The following SPIN1 variants were observed in gnomAD, a reference collection of about 807,000 sequenced individuals.
SPIN1 encodes the protein spindlin-1.
A neutral mutation model predicts 26.0 loss-of-function variants in SPIN1; 3 were observed. The ratio of observed to expected loss-of-function variants is 0.12; its 90% CI spans 0.05 to 0.30. The LOEUF (loss-of-function observed/expected upper bound fraction) is 0.30, where lower values mean the gene tolerates loss of function less well. SPIN1 is among the 10% of genes least tolerant of loss of function. The pLI, the probability that SPIN1 is intolerant of heterozygous loss-of-function variation, is 1.00. For synonymous variants in SPIN1, 101 were observed against 116.5 expected (o/e 0.87, Z 0.86); for missense variants, 126 against 333.4 (o/e 0.38, Z 4.84).
chr9:88,436,966 C>T, intron 2 of SPIN1, among the ~76,000 whole-genome samples: 1 of 151,550 alleles, frequency 6.6e-6, no homozygotes, highest in Admixed American at 6.6e-5. Flanking sequence ...GGGGTTTCAC[C>T]GTTTTAGCCG....
intron 5 of SPIN1, among the ~76,000 whole-genome samples, chr9:88,472,685 G>A (rs1828813038): frequency 6.6e-6 from 1 of 152,186 alleles, no homozygotes; most frequent in Non-Finnish European, 1.5e-5. Flanking sequence ...TAGAGACAGA[G>A]TTTCACTGTG....
At chr9:88,461,853 A>G (rs567943123) in intron 3 of SPIN1, among the ~76,000 whole-genome samples, 3 of 152,352 alleles carry the variant, frequency 2.0e-5, no homozygotes, top group East Asian at 1.9e-4. Context: ...TGATGTTTCA[A>G]TAATTTTTAA....
rs185455656 is a variant in SPIN1 at position 88,395,478 on chromosome 9, A to G, written c.-159+6940A>G. Among the ~76,000 whole-genome samples, 43 of 152,216 alleles carry G rather than the reference A, an allele frequency of 2.8e-4. No homozygotes were observed. The East Asian group carries it at 5.2e-3, about 18-fold the overall frequency. ...TGTTTATATTCTCTTGGCTGTTATA[A>G]ATATTGCGGCAATGAATAACCTTGT... is the stretch of plus-strand genomic sequence containing the variant. On this transcript the variant is annotated intron_variant, in intron 1 of 5. Coordinates refer to ENST00000375859, the MANE Select transcript of SPIN1 (RefSeq NM_006717.3).
intron 2 of SPIN1, among the ~76,000 whole-genome samples, chr9:88,431,184 C>T (rs1827862689): frequency 6.6e-6 from 1 of 150,414 alleles, no homozygotes; most frequent in African/African-American, 2.4e-5. Flanking sequence ...CATGCCCGGC[C>T]CTTTTTATGA....
At chr9:88,455,534 CAGAG>C (rs1409541583) in intron 3 of SPIN1, among the ~76,000 whole-genome samples, 4 of 152,140 alleles carry the variant, frequency 2.6e-5, no homozygotes, top group African/African-American at 9.7e-5. Flanking sequence ...CATAGGTAAA[CAGAG>C]AAAGAAAACT....
At chr9:88,431,729 T>G (rs1827876331) in intron 2 of SPIN1, among the ~76,000 whole-genome samples, 3 of 152,194 alleles carry the variant, frequency 2.0e-5, no homozygotes, top group African/African-American at 7.2e-5. Context: ...CTTTTTCATT[T>G]ATTGTTCTAG....
rs550192711 is a variant in SPIN1, at chr9:88,478,444, A to G, written c.*3167A>G. 1 of 152,790 alleles carries G rather than the reference A, an allele frequency of 6.5e-6. No homozygotes were observed. Among genetic ancestry groups the G allele is most frequent in the African/African-American group, 2.4e-5 (1 of 41,594 alleles). The allele number at this position is 152,790 out of a possible 1,614,324, so 9.5% of individuals were successfully genotyped here. ...CTTTGTGTTTTTCCATCATTAGTGCAGTTGGAATGAATGTGTATAGGTCAG... is the reference window on the plus strand; with the variant it reads ...CTTTGTGTTTTTCCATCATTAGTGCGGTTGGAATGAATGTGTATAGGTCAG... On this transcript the variant is annotated 3_prime_UTR_variant, in exon 6 of 6. Coordinates refer to ENST00000375859, the MANE Select transcript of SPIN1 (RefSeq NM_006717.3).
chr9:88,476,873 G>A lies in SPIN1; in HGVS notation c.*1596G>A, dbSNP rs1828899070. ...CATGCTTGTCACTCAAACACCAGAA[G>A]TTTGAATCAGAGGTCTGAGTGACCT... On this transcript the variant is annotated 3_prime_UTR_variant, in exon 6 of 6. Coordinates refer to ENST00000375859, the MANE Select transcript of SPIN1 (RefSeq NM_006717.3). 1.3e-5 allele frequency: 2 copies of A among 152,208 alleles called. No individual in the cohort carries two copies. Among genetic ancestry groups the A allele is most frequent in the Admixed American group, 1.3e-4 (2 of 15,280 alleles). The allele number at this position is 152,208 out of a possible 1,614,324, so 9.4% of individuals were successfully genotyped here.
chr9:88,392,808 T>C (rs1424569300), intron 1 of SPIN1, among the ~76,000 whole-genome samples: 1 of 152,156 alleles, frequency 6.6e-6, no homozygotes, highest in African/African-American at 2.4e-5. Flanking sequence ...CAGTTGATAT[T>C]GATGATGATG....
chr9:88,436,204 G>A (rs1296742584), intron 2 of SPIN1, among the ~76,000 whole-genome samples: 1 of 152,122 alleles, frequency 6.6e-6, no homozygotes, highest in African/African-American at 2.4e-5. Context: ...CGAGTAGCTG[G>A]GACTACAGGT....
rs1828307258 is a variant in SPIN1, at chr9:88,448,965, T to C, written c.77T>C (p.Met26Thr). ...GGCCATGCTGGAGTATCTGCCAACA[T>C]GATGAAGAAGAGGACATCCCACAAG... ...DAGHAGVSAN[M>T]MKKRTSHKKH... is the part of the protein sequence containing the mutation. Residue 26 changes from methionine to threonine, a missense_variant, in exon 3 of 6, where the codon ATG becomes ACG. Physicochemically the swap from Met to Thr is moderately conservative, Grantham distance 81. Around this residue, in one of 7 missense-constraint regions of SPIN1, gnomAD observed 63 missense variants for 101.3 expected, o/e 0.62. Transcript: ENST00000375859. 6.2e-7 allele frequency: 1 copy of C among 1,613,010 alleles called. No homozygotes were observed. Among genetic ancestry groups the C allele is most frequent in the Admixed American group, 1.7e-5 (1 of 59,782 alleles).
chr9:88,446,892 C>G (rs1456357634), intron 2 of SPIN1, among the ~76,000 whole-genome samples: 2 of 152,128 alleles, frequency 1.3e-5, no homozygotes, highest in Non-Finnish European at 2.9e-5. Context: ...GAAGAAGTGC[C>G]TTGGTGTGGT....
At position 88,436,754 on chromosome 9, in the gene SPIN1, C is replaced by CTTTTTT. The variant is rs776223657; in HGVS notation, c.52+10186_52+10191dup. Reference sequence around the variant, plus strand: ...ATATGCACATAAATTTCCTCTGTGTCTTTTTTTTTTTTTTTTTTTTTTTTT... The same window carrying CTTTTTT: ...ATATGCACATAAATTTCCTCTGTGTCTTTTTTTTTTTTTTTTTTTTTTTTTTTTTTT... On this transcript the variant is annotated intron_variant, in intron 2 of 5. Coordinates refer to ENST00000375859, the MANE Select transcript of SPIN1 (RefSeq NM_006717.3). Among the ~76,000 whole-genome samples the CTTTTTT allele has an allele frequency of 7.7e-4, 76 of 98,788 alleles. 6 individuals are homozygous for CTTTTTT. Among genetic ancestry groups the CTTTTTT allele is most frequent in the Middle Eastern group, 6.4e-3 (1 of 156 alleles). The allele number at this position is 98,788 out of a possible 152,430, so 64.8% of individuals were successfully genotyped here.
chr9:88,409,851 AAG>A, intron 1 of SPIN1, among the ~76,000 whole-genome samples: 1 of 152,110 alleles, frequency 6.6e-6, no homozygotes, highest in South Asian at 2.1e-4. Flanking sequence ...AAAAAAAAAA[AAG>A]AAATTGAGCT....
At chr9:88,418,378 A>AC (rs1827609059) in intron 1 of SPIN1, among the ~76,000 whole-genome samples, 1 of 152,232 alleles carries the variant, frequency 6.6e-6, no homozygotes, top group African/African-American at 2.4e-5. Flanking sequence ...CTTGTGTGAC[A>AC]ACAATTTTTT....
intron 1 of SPIN1, among the ~76,000 whole-genome samples, chr9:88,412,906 A>G (rs976797207): frequency 2.6e-5 from 4 of 151,490 alleles, no homozygotes; most frequent in African/African-American, 9.7e-5. Context: ...CTGGTCTCGA[A>G]CTCCTAACCT....
At position 88,427,834 on chromosome 9, in the gene SPIN1, A is replaced by G. The variant is rs536498122; in HGVS notation, c.52+1243A>G. ...GGCCGGTCTTGAACTCCTGACCTCA[A>G]GTGATCCTCCCGCGTCAGCCTCCCA... On this transcript the variant is annotated intron_variant, in intron 2 of 5. Coordinates refer to ENST00000375859, the MANE Select transcript of SPIN1 (RefSeq NM_006717.3). Among the ~76,000 whole-genome samples, 955 of 152,174 alleles carry G rather than the reference A, an allele frequency of 6.3e-3. 9 individuals are homozygous for G. The highest frequency in any genetic ancestry group is 8.1e-3 in the Non-Finnish European group (551 of 68,016).
chr9:88,452,694 T>C (rs2058911521), intron 3 of SPIN1, among the ~76,000 whole-genome samples: 1 of 152,190 alleles, frequency 6.6e-6, no homozygotes, highest in Non-Finnish European at 1.5e-5. Flanking sequence ...CTATCTTGTT[T>C]TATTGTTGAC....
At chr9:88,472,439 G>T (rs1295295550) in intron 5 of SPIN1, among the ~76,000 whole-genome samples, 4 of 151,276 alleles carry the variant, frequency 2.6e-5, no homozygotes, top group Non-Finnish European at 1.5e-5. Flanking sequence ...TCACCATGTT[G>T]ACCAGGCTGG....
Sources: gnomAD v4.1 joint callset for allele counts (sites outside exome capture counted in the v4.1 genomes callset) on GRCh38, gnomAD v4.1.1 for gene constraint, gnomAD v4.1.1 regional missense constraint, MANE v1.5 for transcripts, NCBI Gene and HGNC (gene_info 2026-07-23, HGNC 2026-07-21) for gene names.